The following ST18 variants were observed in gnomAD, a reference collection of about 807,000 sequenced individuals.
ST18 encodes suppression of tumorigenicity 18 protein.
ST18 carries 50 observed loss-of-function variants against 110.0 expected under a neutral mutation model. That is an observed-to-expected ratio of 0.45 (90% CI 0.36 to 0.58). The LOEUF is 0.58. Ranked by LOEUF, ST18 falls within the 20% of genes least tolerant of loss-of-function variation. ST18 has a pLI of 0.00. For synonymous variants in ST18, 461 were observed against 452.4 expected (o/e 1.02, Z -0.24); for missense variants, 1,306 against 1,280.1 (o/e 1.02, Z -0.31).
At chr8:52,191,586 G>GAAGAA (rs2074504905) in intron 8 of ST18, among the ~76,000 whole-genome samples, 1 of 152,184 alleles carries the variant, frequency 6.6e-6, no homozygotes, top group Admixed American at 6.5e-5. Flanking sequence ...TAACAGCTAT[G>GAAGAA]AAGAAAAGAA....
chr8:52,209,820 T>G (rs1021842769), intron 8 of ST18, among the ~76,000 whole-genome samples: 1 of 146,784 alleles, frequency 6.8e-6, no homozygotes, highest in Non-Finnish European at 1.5e-5. Context: ...TACATGCTTA[T>G]TATAATTATT....
chr8:52,115,426 T>C (rs1229816641), intron 25 of ST18, among the ~76,000 whole-genome samples: 3 of 152,262 alleles, frequency 2.0e-5, no homozygotes, highest in Non-Finnish European at 4.4e-5. Context: ...CAGTCAATGA[T>C]AGACTGAATA....
chr8:52,209,319 T>C (rs2081274491), intron 8 of ST18, among the ~76,000 whole-genome samples: 1 of 152,244 alleles, frequency 6.6e-6, no homozygotes, highest in Non-Finnish European at 1.5e-5. Context: ...CTACCAGCTG[T>C]GTAGCCTTGG....
At chr8:52,255,467 C>T (rs1253726072) in intron 2 of ST18, among the ~76,000 whole-genome samples, 1 of 152,182 alleles carries the variant, frequency 6.6e-6, no homozygotes, top group Non-Finnish European at 1.5e-5. Flanking sequence ...GTGAAACATG[C>T]AAGGAAGAAA....
intron 2 of ST18, among the ~76,000 whole-genome samples, chr8:52,280,346 T>C (rs1026276375): frequency 2.0e-5 from 3 of 152,082 alleles, no homozygotes; most frequent in Admixed American, 6.5e-5. Context: ...TTTTCATGGC[T>C]CACTTTATAA....
intron 2 of ST18, among the ~76,000 whole-genome samples, chr8:52,397,811 C>A (rs1841690910): frequency 6.6e-6 from 1 of 152,040 alleles, no homozygotes; most frequent in South Asian, 2.1e-4. Flanking sequence ...GTCTATAGTT[C>A]TGTTTTAGCA....
At chr8:52,290,036 C>T (rs1388188347) in intron 2 of ST18, among the ~76,000 whole-genome samples, 1 of 152,010 alleles carries the variant, frequency 6.6e-6, no homozygotes, top group African/African-American at 2.4e-5. Context: ...CTTAAGGCAG[C>T]GTCTTCAGGT....
At chr8:52,254,714 A>G (rs1449506539) in intron 2 of ST18, among the ~76,000 whole-genome samples, 1 of 152,184 alleles carries the variant, frequency 6.6e-6, no homozygotes, top group Non-Finnish European at 1.5e-5. Flanking sequence ...AGTGGTGCTT[A>G]TTAATTTTGC....
At chr8:52,277,189 C>T (rs777064416) in intron 2 of ST18, among the ~76,000 whole-genome samples, 17 of 152,296 alleles carry the variant, frequency 1.1e-4, no homozygotes, top group Middle Eastern at 3.4e-3. Flanking sequence ...CCGCAGGAAG[C>T]GCTCTGGATG....
intron 17 of ST18, among the ~76,000 whole-genome samples, chr8:52,140,351 G>A (rs989019780): frequency 1.3e-5 from 2 of 152,130 alleles, no homozygotes; most frequent in African/African-American, 2.4e-5. Flanking sequence ...CCAACATGGC[G>A]AAACCCTGTC....
chr8:52,174,676 T>C (rs1034319026), intron 9 of ST18, among the ~76,000 whole-genome samples: 8 of 152,248 alleles, frequency 5.3e-5, no homozygotes. Flanking sequence ...ATTTCCAGTT[T>C]ACATAATTGT....
chr8:52,120,582 GA>G (rs1019781543), intron 23 of ST18, among the ~76,000 whole-genome samples: 4 of 152,194 alleles, frequency 2.6e-5, no homozygotes, highest in African/African-American at 9.6e-5. Flanking sequence ...CCCAGGCTGG[GA>G]AGGGAGTGAG....
chr8:52,343,409 C>T (rs1251781972), intron 2 of ST18, among the ~76,000 whole-genome samples: 1 of 152,116 alleles, frequency 6.6e-6, no homozygotes, highest in Non-Finnish European at 1.5e-5. Flanking sequence ...GAGCTGGAAA[C>T]GATGTCCTTG....
chr8:52,132,156 C>A lies in ST18; in HGVS notation c.2468G>T (p.Gly823Val). The A allele has an allele frequency of 6.2e-7, 1 of 1,613,072 alleles. No individual in the cohort carries two copies. The highest frequency in any genetic ancestry group is 8.5e-7 in the Non-Finnish European group (1 of 1,179,876). ...GTATTTACCTGATATGTGACCTTGG[C>A]CATCACACCCTATCACAGGACATCT... ...ELKCPVIGCD[G>V]QGHISGKYTS... The change falls in exon 22 of 26, where the codon GGC (glycine) becomes GTC (valine). Residue 823 changes from glycine to valine, a missense_variant. Physicochemically the swap from Gly to Val is moderately radical, Grantham distance 109. Coordinates refer to ENST00000689386, the MANE Select transcript of ST18 (RefSeq NM_001352837.2).
At chr8:52,396,021 T>A (rs928682201) in intron 2 of ST18, among the ~76,000 whole-genome samples, 3 of 152,212 alleles carry the variant, frequency 2.0e-5, no homozygotes, top group African/African-American at 7.2e-5. Flanking sequence ...GCTCTTTTTT[T>A]AAATGAATTT....
chr8:52,204,459 G>A lies in ST18; in HGVS notation c.86+7620C>T, dbSNP rs536586252. Among the ~76,000 whole-genome samples the A allele has an allele frequency of 1.3e-3, 196 of 152,272 alleles. 1 individual carries two copies. The highest frequency in any genetic ancestry group is 4.1e-4 in the South Asian group (2 of 4,826). On this transcript the variant is annotated intron_variant, in intron 8 of 25. Coordinates refer to ENST00000689386, the MANE Select transcript of ST18 (RefSeq NM_001352837.2). The stretch of plus-strand genomic sequence containing the variant: ...GGCTGCGTTTCTAGTAAGCCCCCAG[G>A]GGATGCCGTGGTTCTGAGCCGGCAG...
At chr8:52,309,342 G>A (rs2095863437) in intron 2 of ST18, among the ~76,000 whole-genome samples, 1 of 152,088 alleles carries the variant, frequency 6.6e-6, no homozygotes, top group Non-Finnish European at 1.5e-5. Context: ...CCAACATGGT[G>A]AAACCACGTC....
chr8:52,317,827 C>T (rs964400956), intron 2 of ST18, among the ~76,000 whole-genome samples: 10 of 152,098 alleles, frequency 6.6e-5, no homozygotes, highest in East Asian at 1.9e-4. Context: ...TTACCATGTC[C>T]GTTTGACTTT....
At position 52,210,866 on chromosome 8, in the gene ST18, A is replaced by G. The variant is rs541673114; in HGVS notation, c.86+1213T>C. 9.0e-4 allele frequency among the ~76,000 whole-genome samples: 137 copies of G among 152,292 alleles called. 2 individuals carry two copies. The highest frequency in any genetic ancestry group is 1.6e-3 in the Non-Finnish European group (109 of 68,016). ...GGAGATCATAAGCCACATGGAAGCA[A>G]CGGTGACAGCCTGTGTTTTAGAGGA... On this transcript the variant is annotated intron_variant, in intron 8 of 25. Transcript: ENST00000689386.
Sources: allele counts gnomAD v4.1 joint callset (sites outside exome capture counted in the v4.1 genomes callset), GRCh38; gene constraint gnomAD v4.1.1; transcripts MANE v1.5; gene names NCBI Gene and HGNC (gene_info 2026-07-23, HGNC 2026-07-21).